Variants in CD36 observed in about 807,000 individuals in gnomAD.
CD36 encodes CD36 molecule (CD36 blood group), also known as platelet glycoprotein 4.
CD36 carries 119 observed loss-of-function variants against 55.2 expected under a neutral mutation model. The observed-to-expected ratio is 2.15, with a 90% confidence interval of 1.86 to 2.51. The LOEUF (loss-of-function observed/expected upper bound fraction) is 2.51, where lower values mean the gene tolerates loss of function less well. CD36 is among the 30% of genes most tolerant of loss of function. CD36 has a pLI of 0.00. For missense variants in CD36, 819 were observed against 555.5 expected (o/e 1.47, Z -4.77); for synonymous variants, 186 against 193.6 (o/e 0.96, Z 0.33).
intron 1 of CD36, among the ~76,000 whole-genome samples, chr7:80,609,111 C>T (rs928213642): frequency 1.5e-4 from 23 of 152,172 alleles, no homozygotes; most frequent in Admixed American, 5.9e-4. Flanking sequence ...GATAAACCCA[C>T]GAGAGAATGA....
rs375736423 is a variant in CD36 at position 80,625,513 on chromosome 7, G to C, written c.-183-20575G>C. 5.2e-4 allele frequency among the ~76,000 whole-genome samples: 79 copies of C among 152,230 alleles called. 3 individuals are homozygous for C. The South Asian group carries it at 0.015, about 30-fold the overall frequency. On this transcript the variant is annotated intron_variant, in intron 1 of 13. Coordinates refer to the CD36 transcript ENST00000309881. Reference sequence around the variant, plus strand: ...TTATAGATATGAAATGCTAATGCATGCTCATTCAAAAAATCATAACCTTGC... The same window carrying C: ...TTATAGATATGAAATGCTAATGCATCCTCATTCAAAAAATCATAACCTTGC...
intron 6 of CD36, among the ~76,000 whole-genome samples, chr7:80,663,461 C>T (rs1047478057): frequency 6.6e-6 from 1 of 152,034 alleles, no homozygotes; most frequent in Non-Finnish European, 1.5e-5. Flanking sequence ...GTCTGTAAAT[C>T]TTTGAGCACT....
At chr7:80,643,665 T>C (rs1300167274) in intron 1 of CD36, among the ~76,000 whole-genome samples, 2 of 152,166 alleles carry the variant, frequency 1.3e-5, no homozygotes, top group African/African-American at 4.8e-5. Flanking sequence ...TCAGTCATTT[T>C]ACCTAATGCA....
In CD36 at chr7:80,678,321, A is replaced by T. The variant is rs1474738617; in HGVS notation, c.*1938A>T. The T allele has an allele frequency of 6.6e-6, 1 of 152,170 alleles. No individual in the cohort carries two copies. The highest frequency in any genetic ancestry group is 1.5e-5 in the Non-Finnish European group (1 of 68,030). The allele number at this position is 152,170 out of a possible 1,614,324, so 9.4% of individuals were successfully genotyped here. ...TTCTTTCCAAAGCTGGTTATTAACC[A>T]CAGAATTATAGCAGGTATTCATAAC... On this transcript the variant is annotated 3_prime_UTR_variant, in exon 15 of 15. Coordinates refer to ENST00000447544, the MANE Select transcript of CD36 (RefSeq NM_001001548.3).
At chr7:80,605,329 A>G (rs907836114) in intron 1 of CD36, among the ~76,000 whole-genome samples, 1 of 152,194 alleles carries the variant, frequency 6.6e-6, no homozygotes, top group Non-Finnish European at 1.5e-5. Context: ...GGATCATTTT[A>G]CAGGTGGTTT....
At chr7:80,623,735 T>C (rs1793599721) in intron 1 of CD36, among the ~76,000 whole-genome samples, 1 of 152,152 alleles carries the variant, frequency 6.6e-6, no homozygotes, top group African/African-American at 2.4e-5. Context: ...CCAGGATACA[T>C]GTTGTTATGT....
At chr7:80,632,532 T>A (rs1404043264) in intron 1 of CD36, among the ~76,000 whole-genome samples, 2 of 152,066 alleles carry the variant, frequency 1.3e-5, no homozygotes, top group Non-Finnish European at 2.9e-5. Flanking sequence ...GATGTCAATA[T>A]AATTTTTTAA....
intron 10 of CD36, among the ~76,000 whole-genome samples, chr7:80,671,507 G>A (rs1049433380): frequency 2.0e-5 from 3 of 151,960 alleles, no homozygotes; most frequent in South Asian, 2.1e-4. Flanking sequence ...AAATAATTCC[G>A]AGAACACATT....
intron 4 of CD36, among the ~76,000 whole-genome samples, chr7:80,660,225 C>T (rs186254648): frequency 1.9e-3 from 286 of 152,178 alleles, no homozygotes; most frequent in African/African-American, 6.2e-3. Flanking sequence ...CACCCTTCAC[C>T]GCGTTCCTAA....
chr7:80,616,879 C>T (rs1793194848), intron 1 of CD36, among the ~76,000 whole-genome samples: 1 of 152,110 alleles, frequency 6.6e-6, no homozygotes, highest in African/African-American at 2.4e-5. Context: ...AAGTTTCTGT[C>T]TTGTTTCAGT....
intron 1 of CD36, among the ~76,000 whole-genome samples, chr7:80,631,640 A>G (rs1009460944): frequency 1.3e-5 from 2 of 151,838 alleles, no homozygotes; most frequent in Admixed American, 6.6e-5. Context: ...TTTTAGAATG[A>G]TTCTGAAGTT....
chr7:80,630,745 A>G (rs923959781), intron 1 of CD36, among the ~76,000 whole-genome samples: 1 of 151,996 alleles, frequency 6.6e-6, no homozygotes, highest in African/African-American at 2.4e-5. Flanking sequence ...CCTAGCAATG[A>G]TCTTGGATCA....
chr7:80,617,894 A>G (rs1051870362), intron 1 of CD36, among the ~76,000 whole-genome samples: 1 of 152,172 alleles, frequency 6.6e-6, no homozygotes, highest in Admixed American at 6.5e-5. Context: ...ATAAGATAGT[A>G]AAGTGCCAAA....
At position 80,678,414 on chromosome 7, in the gene CD36, T is replaced by A. The variant is rs764057743; in HGVS notation, c.*2031T>A. 15 of 151,986 alleles carry A rather than the reference T, an allele frequency of 9.9e-5. No individual in the cohort carries two copies. Among genetic ancestry groups the A allele is most frequent in the Admixed American group, 4.6e-4 (7 of 15,246 alleles). The allele number at this position is 151,986 out of a possible 1,614,324, so 9.4% of individuals were successfully genotyped here. ...TTAGAGAATCAACAGCATCGGAAAA[T>A]AGGTTAATGCATATTGCTTCTAACA... On this transcript the variant is annotated 3_prime_UTR_variant, in exon 15 of 15. Coordinates refer to ENST00000447544, the MANE Select transcript of CD36 (RefSeq NM_001001548.3).
intron 1 of CD36, among the ~76,000 whole-genome samples, chr7:80,627,422 C>T (rs41364549): frequency 0.12 from 18,852 of 151,284 alleles, 1,648 homozygotes; most frequent in East Asian, 0.34. Context: ...CTTAAGCCTC[C>T]AATTAGTACA....
intron 8 of CD36, among the ~76,000 whole-genome samples, chr7:80,666,746 C>A (rs1276745141): frequency 2.0e-5 from 3 of 152,150 alleles, no homozygotes; most frequent in African/African-American, 7.2e-5. Flanking sequence ...AACTTTACTG[C>A]CATCCTGGCA....
chr7:80,669,911 C>T (rs777092096), intron 8 of CD36, 42 bp from the exon 9 acceptor site: 1 of 1,387,160 alleles, frequency 7.2e-7, no homozygotes, highest in South Asian at 1.2e-5. Flanking sequence ...TTTTCTAGAA[C>T]ACACATTACA....
Position 80,664,437 on chromosome 7 carries a change from T to C in CD36, c.641T>C (p.Val214Ala). 1 of 1,577,494 alleles carries C rather than the reference T, an allele frequency of 6.3e-7. No individual in the cohort carries two copies. The highest frequency in any genetic ancestry group is 2.2e-5 in the East Asian group (1 of 44,598). ...YNNTADGVYKVFNGKDNISKV... is the reference protein window; with the variant it reads ...YNNTADGVYKAFNGKDNISKV... ...AATACTGCAGATGGAGTTTATAAAG[T>C]TTTCAATGGAAAAGATAACATAAGT... Residue 214 changes from valine to alanine, a missense_variant, in exon 7 of 15, where the codon GTT becomes GCT. By Grantham distance (64) the Val-to-Ala change is moderately conservative. Coordinates refer to ENST00000447544, the MANE Select transcript of CD36 (RefSeq NM_001001548.3).
intron 10 of CD36, 36 bp from the exon 11 acceptor site, chr7:80,671,886 T>A: frequency 6.3e-7 from 1 of 1,592,140 alleles, no homozygotes; most frequent in Non-Finnish European, 8.6e-7. Context: ...TGAAGGAAGT[T>A]ATTAATTCCA....
Sources: gnomAD v4.1 joint callset for allele counts (sites outside exome capture counted in the v4.1 genomes callset) on GRCh38, gnomAD v4.1.1 for gene constraint, MANE v1.5 for transcripts, NCBI Gene and HGNC (gene_info 2026-07-23, HGNC 2026-07-21) for gene names.